The following ZNF420 variants were observed in gnomAD, a reference collection of about 807,000 sequenced individuals.
ZNF420 encodes zinc finger protein 420, also known as ATM and p53-associated KZNF protein.
Under a neutral mutation model 44.7 loss-of-function variants are expected in ZNF420, and 31 were observed. That is an observed-to-expected ratio of 0.69 (90% CI 0.52 to 0.94). The LOEUF is 0.94. Ranked by LOEUF, ZNF420 falls within the 40% of genes least tolerant of loss-of-function variation. The probability of loss-of-function intolerance (pLI) is 0.00; values close to 1 mark genes in which losing one functional copy is unlikely to be tolerated. For missense variants in ZNF420, 681 were observed against 827.9 expected (o/e 0.82, Z 2.18); for synonymous variants, 245 against 267.4 (o/e 0.92, Z 0.82).
At chr19:37,090,308 A>C (rs1367606190) in intron 3 of ZNF420, among the ~76,000 whole-genome samples, 1 of 151,488 alleles carries the variant, frequency 6.6e-6, no homozygotes, top group Admixed American at 6.6e-5. Flanking sequence ...TAGCCTGGGC[A>C]ACATAACAAG....
chr19:37,050,231 A>T (rs1967614581), intron 1 of ZNF420, among the ~76,000 whole-genome samples: 1 of 152,192 alleles, frequency 6.6e-6, no homozygotes, highest in Admixed American at 6.5e-5. Context: ...ACTTTAAAGT[A>T]GTTTTTTCCA....
rs1967893241 is a variant in ZNF420, at chr19:37,062,348, C to T, written c.-124-17997C>T. Among the ~76,000 whole-genome samples, 5 of 152,078 alleles carry T rather than the reference C, an allele frequency of 3.3e-5. No homozygotes were observed. The South Asian group carries it at 1.0e-3, about 32-fold the overall frequency. ...AGGAGGAACATCTCATTTTTTGAGACCAGAGTAAAGAAGATATGGAGAGGG... is the reference window on the plus strand; with the variant it reads ...AGGAGGAACATCTCATTTTTTGAGATCAGAGTAAAGAAGATATGGAGAGGG... On this transcript the variant is annotated intron_variant, in intron 1 of 4. Coordinates refer to the ZNF420 transcript ENST00000587029.
chr19:37,093,775 C>T (rs1057475717), intron 4 of ZNF420, among the ~76,000 whole-genome samples: 10 of 152,124 alleles, frequency 6.6e-5, no homozygotes, highest in African/African-American at 2.2e-4. Context: ...TCTATACTGA[C>T]AGAAAGTAGG....
chr19:37,020,734 A>T (rs2074642360), intron 1 of ZNF420, among the ~76,000 whole-genome samples: 1 of 152,252 alleles, frequency 6.6e-6, no homozygotes, highest in South Asian at 2.1e-4. Flanking sequence ...GGAAATTCTG[A>T]CATATGCTGC....
rs1260896574 is a variant in ZNF420 at position 37,127,108 on chromosome 19, T to A, written c.137-20T>A. ...TAGAAGTTATATTTCTCAATTTTTT[T>A]ATTCTCTCTTATCTTTCAGACTTGC... On this transcript the variant is annotated intron_variant, in intron 4 of 4. Transcript: ENST00000337995. 2 of 1,442,010 alleles carry A rather than the reference T, an allele frequency of 1.4e-6. No individual in the cohort carries two copies. Among genetic ancestry groups the A allele is most frequent in the East Asian group, 4.8e-5 (2 of 41,806 alleles). The allele number at this position is 1,442,010 out of a possible 1,614,324, so 89.3% of individuals were successfully genotyped here. A position where few individuals can be genotyped will look rare whatever the true frequency, so the allele number is the denominator to read the frequency against.
intron 1 of ZNF420, among the ~76,000 whole-genome samples, chr19:37,079,646 C>T (rs1243851667): frequency 1.3e-5 from 2 of 152,098 alleles, no homozygotes; most frequent in Non-Finnish European, 2.9e-5. Flanking sequence ...ATTTGGACAC[C>T]TGAGTGATGA....
intron 1 of ZNF420, among the ~76,000 whole-genome samples, chr19:37,071,456 AG>A (rs1288759612): frequency 1.3e-5 from 2 of 152,318 alleles, no homozygotes; most frequent in Admixed American, 1.3e-4. Flanking sequence ...CTGAAGGAAA[AG>A]GGGATAGAAA....
intron 1 of ZNF420, among the ~76,000 whole-genome samples, chr19:37,031,783 A>G (rs2146397859): frequency 6.6e-6 from 1 of 152,224 alleles, no homozygotes. Flanking sequence ...ATGTGCCTAA[A>G]GTCTGATTTT....
At chr19:37,053,981 C>T (rs572992360) in intron 1 of ZNF420, among the ~76,000 whole-genome samples, 1 of 152,342 alleles carries the variant, frequency 6.6e-6, no homozygotes, top group East Asian at 1.9e-4. Context: ...AGGCAGCAGG[C>T]CTCCCTGAGC....
rs145207324 is a variant in ZNF420 at position 37,123,728 on chromosome 19, G to A, written c.137-3400G>A. Among the ~76,000 whole-genome samples the A allele has an allele frequency of 3.4e-3, 493 of 145,470 alleles. 5 individuals carry two copies. The highest frequency in any genetic ancestry group is 0.012 in the African/African-American group (471 of 39,072). The stretch of plus-strand genomic sequence containing the variant: ...AGTGATTCTCCTGCCTCAGCCTCCC[G>A]AGTAGCTGGGACTACAGGCGTGTGC... On this transcript the variant is annotated intron_variant, in intron 4 of 4. Transcript: ENST00000337995.
chr19:37,124,701 C>G (rs989373418), intron 4 of ZNF420, among the ~76,000 whole-genome samples: 2 of 151,868 alleles, frequency 1.3e-5, no homozygotes, highest in Admixed American at 6.6e-5. Context: ...GAGTCTCGCT[C>G]TGTTGCCCAG....
intron 2 of ZNF420, 103 bp downstream of exon 2, chr19:37,080,491 G>A (rs1258836949): frequency 1.3e-5 from 2 of 152,526 alleles, no homozygotes; most frequent in Non-Finnish European, 2.9e-5. Flanking sequence ...TGATAGAGGG[G>A]CAAGGCAATT....
chr19:37,061,027 G>GC (rs1411030993), intron 1 of ZNF420, among the ~76,000 whole-genome samples: 1 of 152,112 alleles, frequency 6.6e-6, no homozygotes, highest in Non-Finnish European at 1.5e-5. Flanking sequence ...TCACGCACAG[G>GC]CCCCCTCCTG....
intron 4 of ZNF420, among the ~76,000 whole-genome samples, chr19:37,113,301 C>A (rs1336037251): frequency 1.3e-5 from 2 of 152,030 alleles, no homozygotes; most frequent in Admixed American, 1.3e-4. Context: ...TTTTTGATGA[C>A]CAATTTGTCC....
chr19:37,124,750 C>G (rs1048080448), intron 4 of ZNF420, among the ~76,000 whole-genome samples: 30 of 152,128 alleles, frequency 2.0e-4, no homozygotes, highest in African/African-American at 7.0e-4. Context: ...TCACTGTAAC[C>G]TCTGCCTCCC....
intron 2 of ZNF420, among the ~76,000 whole-genome samples, chr19:37,080,918 G>A (rs375886494): frequency 1.2e-3 from 186 of 151,904 alleles, no homozygotes; most frequent in African/African-American, 4.3e-3. Flanking sequence ...TTAGTTGGGC[G>A]TGGTGGTGGA....
chr19:37,010,113 C>T (rs1338194955), intron 1 of ZNF420, among the ~76,000 whole-genome samples: 1 of 152,206 alleles, frequency 6.6e-6, no homozygotes, highest in Non-Finnish European at 1.5e-5. Context: ...ACAGTGATTC[C>T]CACAGTTGCC....
At chr19:37,014,923 A>T (rs186917396) in intron 1 of ZNF420, among the ~76,000 whole-genome samples, 38 of 152,296 alleles carry the variant, frequency 2.5e-4, no homozygotes, top group African/African-American at 8.9e-4. Flanking sequence ...GCACCACAGG[A>T]TCCCTAAGGA....
At chr19:37,022,709 T>C (rs190362422) in intron 1 of ZNF420, among the ~76,000 whole-genome samples, 1 of 152,304 alleles carries the variant, frequency 6.6e-6, no homozygotes, top group Non-Finnish European at 1.5e-5. Flanking sequence ...TTTTTTCATG[T>C]ATTAACTCAT....
Sources: allele counts gnomAD v4.1 joint callset (sites outside exome capture counted in the v4.1 genomes callset), GRCh38; gene constraint gnomAD v4.1.1; transcripts MANE v1.5; gene names NCBI Gene and HGNC (gene_info 2026-07-23, HGNC 2026-07-21).